Variants in DLC1 observed in about 807,000 individuals in gnomAD.
DLC1 encodes the protein DLC1 Rho GTPase activating protein.
In DLC1, 54 loss-of-function variants were observed where a neutral mutation model predicts 140.3. The ratio of observed to expected loss-of-function variants is 0.38; its 90% CI spans 0.31 to 0.48. The LOEUF is 0.48. Among genes scored for constraint, DLC1 ranks in the 20% least tolerant of loss-of-function variants. The pLI is 0.96. For synonymous variants in DLC1, 986 were observed against 728.1 expected, an observed-to-expected ratio of 1.35 and a Z score of -5.70; for missense variants, 2,536 against 1,907.0, an observed-to-expected ratio of 1.33 and a Z score of -6.14.
intron 5 of DLC1, among the ~76,000 whole-genome samples, chr8:13,268,407 C>G (rs1345776129): frequency 6.6e-6 from 1 of 152,076 alleles, no homozygotes; most frequent in Non-Finnish European, 1.5e-5. Flanking sequence ...CTCCGCCTCC[C>G]AGGTTCACGC....
At chr8:13,394,280 A>G (rs1836913400) in intron 3 of DLC1, among the ~76,000 whole-genome samples, 1 of 152,228 alleles carries the variant, frequency 6.6e-6, no homozygotes, top group African/African-American at 2.4e-5. Flanking sequence ...CCCTTGTTTG[A>G]AAATGGGTAT....
intron 2 of DLC1, among the ~76,000 whole-genome samples, chr8:13,425,659 G>A (rs922072553): frequency 3.4e-5 from 1 of 29,270 alleles, no homozygotes; most frequent in Non-Finnish European, 8.0e-5. Context: ...TTATTATACT[G>A]TGTCATAGCA....
intron 1 of DLC1, among the ~76,000 whole-genome samples, chr8:13,573,262 T>C (rs548298945): frequency 4.3e-4 from 66 of 152,320 alleles, no homozygotes; most frequent in African/African-American, 1.3e-3. Flanking sequence ...CTTTTTGGAT[T>C]GTTCATTTCT....
intron 4 of DLC1, among the ~76,000 whole-genome samples, chr8:13,312,385 A>AAAAAAAAAAAT (rs1832709301): frequency 7.0e-6 from 1 of 142,588 alleles, no homozygotes; most frequent in Non-Finnish European, 1.5e-5. Context: ...AAAAAAAAAA[A>AAAAAAAAAAAT]AAATAATTTC....
chr8:13,114,940 C>T (rs931992597), intron 6 of DLC1, among the ~76,000 whole-genome samples: 4 of 152,190 alleles, frequency 2.6e-5, no homozygotes, highest in Non-Finnish European at 5.9e-5. Context: ...ATTGAACATA[C>T]ATATTCTTTA....
At position 13,404,721 on chromosome 8, in the gene DLC1, G is replaced by A. The variant is rs1288781139; in HGVS notation, c.1024-3102C>T. On this transcript the variant is annotated intron_variant, in intron 2 of 17. Transcript: ENST00000276297. Reference sequence around the variant, plus strand: ...GTCAAGTTTGTGTACTTCTGGGCCAGGCATGGTGGCTCACGCCTATAATCC... The same window carrying A: ...GTCAAGTTTGTGTACTTCTGGGCCAAGCATGGTGGCTCACGCCTATAATCC... Among the ~76,000 whole-genome samples, 146 of 152,166 alleles carry A rather than the reference G, an allele frequency of 9.6e-4. 1 individual carries two copies. The highest frequency in any genetic ancestry group is 5.9e-5 in the Non-Finnish European group (4 of 68,008).
At chr8:13,515,568 T>C (rs1034156059), upstream of DLC1, 1 of 152,184 alleles carries the variant, frequency 6.6e-6, no homozygotes, top group Non-Finnish European at 1.5e-5. Flanking sequence ...ACTGCTTCCA[T>C]CTAGCATGGC....
intron 5 of DLC1, among the ~76,000 whole-genome samples, chr8:13,295,387 C>G (rs931979848): frequency 1.3e-5 from 2 of 152,092 alleles, no homozygotes; most frequent in African/African-American, 4.8e-5. Context: ...ACTTTTCTAC[C>G]TCATTACAGT....
At chr8:13,088,438 C>G in intron 16 of DLC1, 49 bp downstream of exon 16, 2 of 1,586,990 alleles carry the variant, frequency 1.3e-6, no homozygotes, top group Middle Eastern at 1.7e-4. Flanking sequence ...AGGCTTGGTT[C>G]ATATATGGAG....
chr8:13,177,570 A>C (rs1825819530), intron 5 of DLC1, among the ~76,000 whole-genome samples: 1 of 152,234 alleles, frequency 6.6e-6, no homozygotes, highest in Admixed American at 6.5e-5. Flanking sequence ...TGGTTTATTG[A>C]TATATGCATT....
chr8:13,286,421 G>A (rs1385308239), intron 5 of DLC1, among the ~76,000 whole-genome samples: 1 of 151,936 alleles, frequency 6.6e-6, no homozygotes, highest in Non-Finnish European at 1.5e-5. Context: ...ATGATAAAAT[G>A]TATTTTAATG....
At chr8:13,135,347 A>AT (rs577613287) in intron 5 of DLC1, among the ~76,000 whole-genome samples, 38 of 151,724 alleles carry the variant, frequency 2.5e-4, no homozygotes, top group South Asian at 1.9e-3. Context: ...CACCCAGCTA[A>AT]TTTTTTTGTA....
chr8:13,440,693 G>A (rs1798467009), intron 2 of DLC1, among the ~76,000 whole-genome samples: 1 of 152,032 alleles, frequency 6.6e-6, no homozygotes, highest in Non-Finnish European at 1.5e-5. Flanking sequence ...AGGGATCTAG[G>A]GGGAGGTAAT....
intron 2 of DLC1, among the ~76,000 whole-genome samples, chr8:13,497,600 T>G (rs1414460422): frequency 6.6e-6 from 1 of 152,166 alleles, no homozygotes; most frequent in African/African-American, 2.4e-5. Flanking sequence ...AATGTTCAAG[T>G]GGTGAGTATA....
chr8:13,210,886 A>G (rs1337760842), intron 5 of DLC1, among the ~76,000 whole-genome samples: 1 of 152,206 alleles, frequency 6.6e-6, no homozygotes, highest in South Asian at 2.1e-4. Flanking sequence ...TAAATAATCT[A>G]TTAGTTTTAA....
chr8:13,161,790 C>T (rs763284688), intron 5 of DLC1, among the ~76,000 whole-genome samples: 45 of 152,302 alleles, frequency 3.0e-4, no homozygotes, highest in Admixed American at 5.9e-4. Context: ...GAACAATACA[C>T]TGATTCTTAA....
intron 6 of DLC1, among the ~76,000 whole-genome samples, chr8:13,113,183 G>C (rs1030370687): frequency 6.6e-6 from 1 of 152,200 alleles, no homozygotes; most frequent in African/African-American, 2.4e-5. Flanking sequence ...AAAGATGATA[G>C]TTTACTGATG....
intron 2 of DLC1, among the ~76,000 whole-genome samples, chr8:13,471,759 A>G (rs1800220020): frequency 6.6e-6 from 1 of 150,940 alleles, no homozygotes; most frequent in Admixed American, 6.6e-5. Flanking sequence ...AGAGAAAGAG[A>G]AAAAAAGAAA....
intron 8 of DLC1, among the ~76,000 whole-genome samples, chr8:13,101,427 G>T (rs1014991392): frequency 1.3e-5 from 2 of 152,188 alleles, no homozygotes; most frequent in Non-Finnish European, 2.9e-5. Flanking sequence ...GACTGCCTCT[G>T]GGCTGCCTTC....
Sources: allele counts gnomAD v4.1 joint callset (sites outside exome capture counted in the v4.1 genomes callset), GRCh38; gene constraint gnomAD v4.1.1; transcripts MANE v1.5; gene names NCBI Gene and HGNC (gene_info 2026-07-23, HGNC 2026-07-21).